AGXT2: variants seen among roughly 807,000 people sequenced by gnomAD.
The protein encoded by AGXT2 is alanine--glyoxylate aminotransferase 2, mitochondrial.
AGXT2 carries 61 observed loss-of-function variants against 62.5 expected under a neutral mutation model. The ratio of observed to expected loss-of-function variants is 0.98; its 90% confidence interval spans 0.79 to 1.21. The LOEUF is 1.21. Among genes scored for constraint, AGXT2 ranks in the 50% most tolerant of loss-of-function variants. The pLI, the probability that AGXT2 is intolerant of heterozygous loss-of-function variation, is 0.00. For synonymous variants in AGXT2, 243 were observed against 218.7 expected, an observed-to-expected ratio of 1.11 and a Z score of -0.98; for missense variants, 666 against 641.5, an observed-to-expected ratio of 1.04 and a Z score of -0.41.
At chr5:35,046,180 T>C (rs1432849329) in intron 1 of AGXT2, among the ~76,000 whole-genome samples, 1 of 152,088 alleles carries the variant, frequency 6.6e-6, no homozygotes, top group Non-Finnish European at 1.5e-5. Context: ...CTGCCCTCTC[T>C]AGGTTACCTG....
rs1215851652 is a variant in AGXT2 at position 35,013,036 on chromosome 5, T to C, written c.1106A>G (p.Lys369Arg). The C allele has an allele frequency of 3.9e-6, 6 of 1,551,534 alleles. No individual in the cohort carries two copies. The African/African-American group carries it at 6.8e-5, about 18-fold the overall frequency. Residue 369 changes from lysine (K) to arginine (R), a missense_variant, in exon 11 of 14, where the codon AAA becomes AGA. Coordinates refer to ENST00000231420, the MANE Select transcript of AGXT2 (RefSeq NM_031900.4). ...AAVITTPEIAKSLAKCLQHFN... is the reference protein window; with the variant it reads ...AAVITTPEIARSLAKCLQHFN... ...GTGCTGCAGGCATTTCGCCAAAGAT[T>C]TGGCAATCTCTAGAGGGAGAAAATA... is the stretch of plus-strand genomic sequence containing the variant.
Position 35,033,569 on chromosome 5 carries a change from A to T in AGXT2, c.582-16T>A. On this transcript the variant is annotated splice_polypyrimidine_tract_variant and intron_variant, in intron 5 of 13. Transcript: ENST00000231420. ...GTAGGCTCCTCTGCAGAGAAGAAACAACAGGAGGATGGGGTCAAGTTCCTG... is the reference window on the plus strand; with the variant it reads ...GTAGGCTCCTCTGCAGAGAAGAAACTACAGGAGGATGGGGTCAAGTTCCTG... The T allele has an allele frequency of 5.0e-6, 8 of 1,605,546 alleles. No individual in the cohort carries two copies. The highest frequency in any genetic ancestry group is 6.8e-6 in the Non-Finnish European group (8 of 1,172,306).
intron 1 of AGXT2, among the ~76,000 whole-genome samples, chr5:35,041,823 TTTCAAAGAGATATA>T (rs1768003239): frequency 6.6e-6 from 1 of 152,168 alleles, no homozygotes; most frequent in African/African-American, 2.4e-5. Flanking sequence ...ATATATCTTC[TTTCAAAGAGATATA>T]TTCAAAGAGA....
At chr5:35,005,272 AGG>A (rs1223956130) in intron 12 of AGXT2, among the ~76,000 whole-genome samples, 3 of 152,136 alleles carry the variant, frequency 2.0e-5, no homozygotes, top group African/African-American at 7.2e-5. Flanking sequence ...TCTGTTGCCC[AGG>A]CTGCAGTGCA....
intron 1 of AGXT2, 110 bp from the exon 2 acceptor site, chr5:35,040,773 T>TA: frequency 2.3e-6 from 2 of 871,332 alleles, no homozygotes; most frequent in African/African-American, 1.6e-5. Flanking sequence ...ATTTCTTAGT[T>TA]AAAAAATCAT....
At chr5:35,030,125 A>G (rs1015632130) in intron 7 of AGXT2, among the ~76,000 whole-genome samples, 3 of 152,236 alleles carry the variant, frequency 2.0e-5, no homozygotes, top group African/African-American at 7.2e-5. Flanking sequence ...CAGGTCCTAA[A>G]GGCAGTGAAG....
chr5:35,036,981 A>C lies in AGXT2; in HGVS notation c.447T>G (p.Tyr149Ter), dbSNP rs769608339. ...TVFFHPPMHE[Y>*]AEKLAALLPE... is the part of the protein sequence containing the mutation. ...GAAGAAGTGCGGCAAGCTTCTCTGC[A>C]TATTCATGCATTGGAGGGTGGAAGA... Residue 149 changes from tyrosine (Y) to a stop codon, truncating the protein, a stop_gained, in exon 4 of 14, where the codon TAT becomes TAG. Transcript: ENST00000231420. LOFTEE classifies it high-confidence loss of function. 2.5e-6 allele frequency: 4 copies of C among 1,614,176 alleles called. No homozygotes were observed.
At chr5:35,008,839 G>A (rs1186263394) in intron 12 of AGXT2, among the ~76,000 whole-genome samples, 2 of 152,184 alleles carry the variant, frequency 1.3e-5, no homozygotes, top group African/African-American at 2.4e-5. Context: ...CTGGATCCCT[G>A]TAGACATGAG....
intron 13 of AGXT2, among the ~76,000 whole-genome samples, chr5:35,002,779 G>GT (rs999957007): frequency 1.5e-5 from 2 of 131,250 alleles, no homozygotes; most frequent in South Asian, 2.4e-4. Flanking sequence ...AGCAGGCTGG[G>GT]GGGGGGGACT....
chr5:35,029,867 T>C (rs962861496), intron 7 of AGXT2, among the ~76,000 whole-genome samples: 4 of 152,094 alleles, frequency 2.6e-5, no homozygotes, highest in Admixed American at 2.0e-4. Flanking sequence ...CAAATAAATA[T>C]ACCATATAAA....
At chr5:35,028,908 C>G (rs955775818) in intron 7 of AGXT2, among the ~76,000 whole-genome samples, 1 of 152,194 alleles carries the variant, frequency 6.6e-6, no homozygotes, top group Admixed American at 6.5e-5. Context: ...CGGTGCTAGA[C>G]AGAAGGAACA....
At chr5:35,040,804 G>T in intron 1 of AGXT2, 141 bp from the exon 2 acceptor site, 1 of 736,484 alleles carries the variant, frequency 1.4e-6, no homozygotes, top group Non-Finnish European at 2.4e-6. Context: ...TTTTAGTTTG[G>T]ATTTAAAATC....
chr5:35,047,818 A>G lies in AGXT2; in HGVS notation c.75T>C (p.His25=). ...VTSAPRILEM[H]PFLSLGTSRT... is the part of the protein sequence containing the mutation. ...GTTTCCACTTACGGCTCAGGAAAGG[A>G]TGCATCTCAAGGATCCTGGGAGCGG... Residue 25 remains histidine, a synonymous_variant, in exon 1 of 14, where the codon CAT becomes CAC. Coordinates refer to ENST00000231420, the MANE Select transcript of AGXT2 (RefSeq NM_031900.4). The G allele has an allele frequency of 6.2e-7, 1 of 1,614,036 alleles. No individual in the cohort carries two copies. The highest frequency in any genetic ancestry group is 8.5e-7 in the Non-Finnish European group (1 of 1,179,986).
chr5:35,006,594 C>T (rs531834043), intron 12 of AGXT2, among the ~76,000 whole-genome samples: 1 of 152,270 alleles, frequency 6.6e-6, no homozygotes, highest in South Asian at 2.1e-4. Context: ...GAATCCGCCC[C>T]CATGATCCAA....
At chr5:35,006,405 G>A (rs1268208460) in intron 12 of AGXT2, among the ~76,000 whole-genome samples, 2 of 152,186 alleles carry the variant, frequency 1.3e-5, no homozygotes, top group African/African-American at 2.4e-5. Flanking sequence ...TACAAGCATG[G>A]CTCCAGCACC....
At position 35,047,931 on chromosome 5, in the gene AGXT2, T is replaced by C. The variant is rs141794506; in HGVS notation, c.-39A>G. ...AAAGCCAACCCCCATGGAAGCAGAT[T>C]GGAGGCCGGGCTCTAACTGCTCACT... On this transcript the variant is annotated 5_prime_UTR_variant, in exon 1 of 14. Transcript: ENST00000231420. The C allele has an allele frequency of 5.0e-3, 8,092 of 1,613,230 alleles. 31 individuals are homozygous for C. The highest frequency in any genetic ancestry group is 6.1e-3 in the Non-Finnish European group (7,186 of 1,179,630).
chr5:35,025,180 A>G (rs1009815670), intron 9 of AGXT2, among the ~76,000 whole-genome samples: 3 of 152,202 alleles, frequency 2.0e-5, no homozygotes, highest in African/African-American at 7.2e-5. Flanking sequence ...ATTCAAGATC[A>G]GCCTGGCCAA....
intron 9 of AGXT2, 68 bp from the exon 10 acceptor site, chr5:35,014,187 C>A (rs766634822): frequency 4.4e-5 from 71 of 1,603,912 alleles, no homozygotes; most frequent in Middle Eastern, 1.8e-4. Flanking sequence ...GGCGCGGTGG[C>A]TCACACCTGT....
intron 3 of AGXT2, among the ~76,000 whole-genome samples, chr5:35,038,167 C>A (rs914935244): frequency 6.6e-6 from 1 of 152,088 alleles, no homozygotes; most frequent in African/African-American, 2.4e-5. Flanking sequence ...CTCATGGGAC[C>A]CTTTTCCACG....
Sources: allele counts gnomAD v4.1 joint callset (sites outside exome capture counted in the v4.1 genomes callset), GRCh38; gene constraint gnomAD v4.1.1; transcripts MANE v1.5; gene names NCBI Gene and HGNC (gene_info 2026-07-23, HGNC 2026-07-21).